Variants in ANKRD55 observed in about 807,000 individuals in gnomAD.
ANKRD55 encodes ankyrin repeat domain-containing protein 55.
ANKRD55 carries 41 observed loss-of-function variants against 60.6 expected under a neutral mutation model. The ratio of observed to expected loss-of-function variants is 0.68; its 90% CI spans 0.53 to 0.88. ANKRD55 has a LOEUF of 0.88. Among genes scored for constraint, ANKRD55 ranks in the 40% least tolerant of loss-of-function variants. The pLI, the probability that ANKRD55 is intolerant of heterozygous loss-of-function variation, is 0.00. For missense variants in ANKRD55, 732 were observed against 767.6 expected, an observed-to-expected ratio of 0.95 and a Z score of 0.55; for synonymous variants, 264 against 290.3, an observed-to-expected ratio of 0.91 and a Z score of 0.92.
intron 8 of ANKRD55, among the ~76,000 whole-genome samples, chr5:56,121,781 C>T (rs1225537261): frequency 1.3e-5 from 2 of 152,100 alleles, no homozygotes; most frequent in African/African-American, 2.4e-5. Flanking sequence ...ACAAGAAGGT[C>T]GAATAAATTG....
intron 2 of ANKRD55, among the ~76,000 whole-genome samples, chr5:56,198,807 C>T (rs1759286103): frequency 6.7e-6 from 1 of 148,426 alleles, no homozygotes; most frequent in South Asian, 2.2e-4. Context: ...GGCTGGGCAG[C>T]GGTGGCTCAC....
chr5:56,221,386 G>A (rs1759961971), intron 2 of ANKRD55, among the ~76,000 whole-genome samples: 2 of 152,308 alleles, frequency 1.3e-5, no homozygotes, highest in East Asian at 1.9e-4. Flanking sequence ...TGGCCAAATA[G>A]GAACAGCTCC....
intron 2 of ANKRD55, chr5:56,192,626 C>T: frequency 2.7e-6 from 2 of 750,830 alleles, no homozygotes; most frequent in Non-Finnish European, 4.5e-6. Context: ...TTCTCAGCTA[C>T]TTAGTATTTT....
At chr5:56,229,194 A>T (rs186987902) in intron 2 of ANKRD55, among the ~76,000 whole-genome samples, 42 of 151,470 alleles carry the variant, frequency 2.8e-4, no homozygotes, top group Non-Finnish European at 5.2e-4. Flanking sequence ...CTTACAATGC[A>T]AGTATCTTCA....
At chr5:56,178,046 T>C (rs982203239) in intron 3 of ANKRD55, among the ~76,000 whole-genome samples, 1 of 152,214 alleles carries the variant, frequency 6.6e-6, no homozygotes, top group African/African-American at 2.4e-5. Flanking sequence ...TTGTCTCTTC[T>C]AAGCTATAAT....
chr5:56,175,708 A>G (rs2111821548), intron 4 of ANKRD55, among the ~76,000 whole-genome samples: 1 of 151,826 alleles, frequency 6.6e-6, no homozygotes, highest in South Asian at 2.1e-4. Context: ...CCCTCCCACC[A>G]CCTTCCCCAG....
At chr5:56,194,065 C>T (rs1330546475) in intron 2 of ANKRD55, among the ~76,000 whole-genome samples, 1 of 152,076 alleles carries the variant, frequency 6.6e-6, no homozygotes, top group African/African-American at 2.4e-5. Flanking sequence ...CTCCTGTAAT[C>T]CCAGCACTTT....
intron 6 of ANKRD55, among the ~76,000 whole-genome samples, chr5:56,156,695 CTCCA>C (rs1399152488): frequency 1.3e-4 from 20 of 152,218 alleles, no homozygotes; most frequent in African/African-American, 4.8e-4. Context: ...GACTCCGCCA[CTCCA>C]GCTCCCTGCT....
chr5:56,111,474 G>A lies in ANKRD55; in HGVS notation c.1274C>T (p.Ala425Val), dbSNP rs200228103. Residue 425 changes from alanine (A) to valine (V), a missense_variant, in exon 10 of 12, where the codon GCC (alanine) becomes GTC (valine). Physicochemically the swap from Ala to Val is moderately conservative, Grantham distance 64. Coordinates refer to ENST00000341048, the MANE Select transcript of ANKRD55 (RefSeq NM_024669.3). ...KYLLPEKKPL[A>V]RKGLPPIRTQ... is the part of the protein sequence containing the mutation. Reference sequence around the variant, plus strand: ...TCTGATTGGTGGAAGCCCCTTACGGGCCAGCGGTTTCTTTTCTGGTAAGAG... The same window carrying A: ...TCTGATTGGTGGAAGCCCCTTACGGACCAGCGGTTTCTTTTCTGGTAAGAG... 1 of 1,614,178 alleles carries A rather than the reference G, an allele frequency of 6.2e-7. No individual in the cohort carries two copies. Among genetic ancestry groups the A allele is most frequent in the African/African-American group, 1.3e-5 (1 of 75,048 alleles).
At chr5:56,149,276 T>C (rs753904512) in intron 6 of ANKRD55, among the ~76,000 whole-genome samples, 14 of 152,102 alleles carry the variant, frequency 9.2e-5, no homozygotes, top group Non-Finnish European at 1.6e-4. Flanking sequence ...TACTCTGAGG[T>C]TGGATTTTAG....
chr5:56,135,495 G>A (rs942910046), intron 7 of ANKRD55, among the ~76,000 whole-genome samples: 9 of 151,720 alleles, frequency 5.9e-5, no homozygotes, highest in African/African-American at 1.5e-4. Flanking sequence ...TCAGCCTCCC[G>A]TGTAGCTGGG....
At chr5:56,158,183 TA>T (rs35848942) in intron 6 of ANKRD55, among the ~76,000 whole-genome samples, 16 of 148,428 alleles carry the variant, frequency 1.1e-4, no homozygotes, top group African/African-American at 2.5e-4. Context: ...TCTGTCTATT[TA>T]AAAAAAAAAG....
intron 3 of ANKRD55, among the ~76,000 whole-genome samples, chr5:56,177,657 C>T (rs1758764704): frequency 1.3e-5 from 2 of 152,054 alleles, no homozygotes; most frequent in South Asian, 4.2e-4. Context: ...CACCTATGAT[C>T]CCAGCTACTC....
At chr5:56,179,366 GA>G (rs1412000502) in intron 3 of ANKRD55, among the ~76,000 whole-genome samples, 1 of 152,016 alleles carries the variant, frequency 6.6e-6, no homozygotes, top group Non-Finnish European at 1.5e-5. Context: ...CACAAAAACA[GA>G]AAAAGGAAAG....
intron 5 of ANKRD55, among the ~76,000 whole-genome samples, chr5:56,164,967 A>T (rs149906534): frequency 2.6e-4 from 39 of 152,242 alleles, no homozygotes; most frequent in African/African-American, 9.4e-4. Context: ...TTTGTTCAGG[A>T]GTTGTTTCCA....
At chr5:56,162,281 A>C (rs1471526657) in intron 5 of ANKRD55, among the ~76,000 whole-genome samples, 1 of 152,164 alleles carries the variant, frequency 6.6e-6, no homozygotes, top group African/African-American at 2.4e-5. Flanking sequence ...CCGTGTGCCT[A>C]GATAGTTCTC....
intron 2 of ANKRD55, among the ~76,000 whole-genome samples, chr5:56,189,387 A>G (rs975622334): frequency 4.6e-5 from 7 of 152,108 alleles, no homozygotes; most frequent in African/African-American, 1.2e-4. Flanking sequence ...TTACAGTTCA[A>G]TTGCATTATG....
At chr5:56,209,242 C>T (rs1319312896) in intron 2 of ANKRD55, among the ~76,000 whole-genome samples, 1 of 152,106 alleles carries the variant, frequency 6.6e-6, no homozygotes, top group African/African-American at 2.4e-5. Flanking sequence ...CAGGCATGAG[C>T]CATCGCTGCT....
chr5:56,218,075 T>A (rs989962386), intron 2 of ANKRD55, among the ~76,000 whole-genome samples: 1 of 152,172 alleles, frequency 6.6e-6, no homozygotes, highest in South Asian at 2.1e-4. Flanking sequence ...TATGATTAAA[T>A]TGCTGCAATC....
Sources: gnomAD v4.1 joint callset for allele counts (sites outside exome capture counted in the v4.1 genomes callset) on GRCh38, gnomAD v4.1.1 for gene constraint, MANE v1.5 for transcripts, NCBI Gene and HGNC (gene_info 2026-07-23, HGNC 2026-07-21) for gene names.